Variants in ZNF385D observed in about 807,000 individuals in gnomAD.
The protein encoded by ZNF385D is zinc finger protein 659.
Under a neutral mutation model 35.8 loss-of-function variants are expected in ZNF385D, and 15 were observed. The ratio of observed to expected loss-of-function variants is 0.42; its 90% CI spans 0.28 to 0.64. The LOEUF is 0.64. Ranked by LOEUF, ZNF385D falls within the 30% of genes least tolerant of loss-of-function variation. ZNF385D has a pLI of 0.23. For synonymous variants in ZNF385D, 212 were observed against 186.8 expected (o/e 1.13, Z -1.10); for missense variants, 474 against 494.6 (o/e 0.96, Z 0.39).
intron 3 of ZNF385D, among the ~76,000 whole-genome samples, chr3:22,124,931 A>G (rs1027979156): frequency 6.6e-6 from 1 of 151,890 alleles, no homozygotes; most frequent in African/African-American, 2.4e-5. Flanking sequence ...ATGTGACCCC[A>G]TTTGTCCAAT....
chr3:22,026,018 C>A (rs1263228169), intron 3 of ZNF385D, among the ~76,000 whole-genome samples: 3 of 152,084 alleles, frequency 2.0e-5, no homozygotes, highest in African/African-American at 7.2e-5. Context: ...ACAGCAGAGG[C>A]AAAGCAGCAA....
chr3:22,239,865 A>C (rs559794206), intron 2 of ZNF385D, among the ~76,000 whole-genome samples: 1 of 150,916 alleles, frequency 6.6e-6, no homozygotes, highest in African/African-American at 2.5e-5. Flanking sequence ...AGCACATAGA[A>C]CGTCAGAATT....
intron 2 of ZNF385D, among the ~76,000 whole-genome samples, chr3:22,252,145 T>C (rs1029811367): frequency 2.0e-5 from 3 of 151,898 alleles, no homozygotes; most frequent in Admixed American, 6.6e-5. Flanking sequence ...ATGTAAACAT[T>C]AGACTGTGAT....
intron 1 of ZNF385D, among the ~76,000 whole-genome samples, chr3:21,691,417 A>C (rs1420021155): frequency 2.0e-5 from 3 of 151,428 alleles, no homozygotes; most frequent in Non-Finnish European, 4.4e-5. Context: ...CTCACCCTCA[A>C]CCTCCACATT....
chr3:21,710,470 C>T (rs188795263), intron 1 of ZNF385D, among the ~76,000 whole-genome samples: 10 of 152,232 alleles, frequency 6.6e-5, no homozygotes, highest in Admixed American at 3.3e-4. Context: ...GGTGCACTGG[C>T]TTCTTTTTGT....
At chr3:21,901,371 G>A (rs1003154250) in intron 3 of ZNF385D, among the ~76,000 whole-genome samples, 2 of 152,114 alleles carry the variant, frequency 1.3e-5, no homozygotes, top group Non-Finnish European at 2.9e-5. Context: ...AAGTTTGGAA[G>A]CATATAGAAA....
chr3:21,655,558 C>T (rs13065557), intron 2 of ZNF385D, among the ~76,000 whole-genome samples: 9,296 of 152,010 alleles, frequency 0.061, 400 homozygotes, highest in Non-Finnish European at 0.094. Context: ...ATGTCCTAGA[C>T]GCTCTTTTTT....
At chr3:21,842,316 T>C (rs934039043) in intron 3 of ZNF385D, among the ~76,000 whole-genome samples, 11 of 151,990 alleles carry the variant, frequency 7.2e-5, no homozygotes, top group African/African-American at 2.4e-4. Context: ...ATTAGGGTTT[T>C]GGGAGAAAAA....
intron 3 of ZNF385D, among the ~76,000 whole-genome samples, chr3:21,521,143 A>G (rs1476079118): frequency 6.6e-6 from 1 of 152,216 alleles, no homozygotes; most frequent in Non-Finnish European, 1.5e-5. Flanking sequence ...AAAATGTTCA[A>G]TTATTAATGA....
At chr3:22,172,525 A>G (rs774318604) in intron 2 of ZNF385D, among the ~76,000 whole-genome samples, 1 of 152,202 alleles carries the variant, frequency 6.6e-6, no homozygotes, top group Non-Finnish European at 1.5e-5. Flanking sequence ...CACCTTTGCC[A>G]AAGGACCAGC....
rs140315808 is a variant in ZNF385D at position 22,131,097 on chromosome 3, G to A, written c.325+37720C>T. ...AAAACAAAATAACAGTTAAATTCAT[G>A]ATGTTTGGATAAAATGTATAAGATA... On this transcript the variant is annotated intron_variant, in intron 3 of 5. Coordinates refer to the ZNF385D transcript ENST00000494108. Among the ~76,000 whole-genome samples, 89 of 152,218 alleles carry A rather than the reference G, an allele frequency of 5.8e-4. 1 individual carries two copies. In the East Asian group the frequency reaches 9.8e-3, roughly 17 times the overall value.
chr3:21,804,275 T>C (rs1284346410), intron 3 of ZNF385D, among the ~76,000 whole-genome samples: 1 of 152,078 alleles, frequency 6.6e-6, no homozygotes, highest in Non-Finnish European at 1.5e-5. Context: ...TTTATAAATT[T>C]TGTTTTCTTA....
At chr3:21,948,698 C>G (rs1701913849) in intron 3 of ZNF385D, among the ~76,000 whole-genome samples, 1 of 141,960 alleles carries the variant, frequency 7.0e-6, no homozygotes, top group African/African-American at 2.7e-5. Context: ...TTTCCAATTG[C>G]ATGAGACAAA....
chr3:21,882,370 T>C (rs998043808), intron 3 of ZNF385D, among the ~76,000 whole-genome samples: 1 of 151,886 alleles, frequency 6.6e-6, no homozygotes, highest in Non-Finnish European at 1.5e-5. Context: ...ACGTGGTGCT[T>C]CAGATGATTG....
intron 2 of ZNF385D, among the ~76,000 whole-genome samples, chr3:21,664,383 A>G (rs1318719096): frequency 1.3e-5 from 2 of 152,200 alleles, no homozygotes; most frequent in Admixed American, 6.5e-5. Flanking sequence ...TCTTGCTACC[A>G]GAACCCTGAG....
chr3:21,548,016 G>T (rs1206457113), intron 3 of ZNF385D, among the ~76,000 whole-genome samples: 1 of 152,178 alleles, frequency 6.6e-6, no homozygotes, highest in Non-Finnish European at 1.5e-5. Context: ...GAAGTTTGTA[G>T]TGGGGAGGAG....
intron 2 of ZNF385D, among the ~76,000 whole-genome samples, chr3:22,230,924 A>G (rs12497048): frequency 0.19 from 29,595 of 152,082 alleles, 3,198 homozygotes; most frequent in African/African-American, 0.26. Flanking sequence ...CTACAGTTTC[A>G]GGGTCATTTA....
intron 3 of ZNF385D, among the ~76,000 whole-genome samples, chr3:21,899,730 T>C (rs536207891): frequency 2.8e-4 from 43 of 152,292 alleles, no homozygotes; most frequent in Non-Finnish European, 5.7e-4. Context: ...GTTTGCTTTA[T>C]ATTTGCTCCT....
chr3:21,794,193 T>A (rs1273055140), intron 3 of ZNF385D, among the ~76,000 whole-genome samples: 1 of 152,062 alleles, frequency 6.6e-6, no homozygotes, highest in Non-Finnish European at 1.5e-5. Context: ...TCCGCCACCA[T>A]ATGCAACTTG....
Sources: gnomAD v4.1 joint callset for allele counts (sites outside exome capture counted in the v4.1 genomes callset) on GRCh38, gnomAD v4.1.1 for gene constraint, MANE v1.5 for transcripts, NCBI Gene and HGNC (gene_info 2026-07-23, HGNC 2026-07-21) for gene names.